The following MICU3 variants were observed in gnomAD, a reference collection of about 807,000 sequenced individuals.
The protein encoded by MICU3 is calcium uptake protein 3, mitochondrial.
MICU3 carries 62 observed loss-of-function variants against 66.5 expected under a neutral mutation model. The observed-to-expected ratio is 0.93, with a 90% CI of 0.76 to 1.15. The LOEUF (loss-of-function observed/expected upper bound fraction) is 1.15. Ranked by LOEUF, MICU3 falls within the 50% of genes most tolerant of loss-of-function variation. The pLI is 0.00. For synonymous variants in MICU3, 308 were observed against 240.7 expected (o/e 1.28, Z -2.59); for missense variants, 779 against 664.4 (o/e 1.17, Z -1.90).
intron 11 of MICU3, among the ~76,000 whole-genome samples, chr8:17,110,181 A>T (rs1178050636): frequency 2.0e-5 from 3 of 152,184 alleles, no homozygotes; most frequent in African/African-American, 7.2e-5. Context: ...TATTTAGTCA[A>T]TACTTTATTG....
chr8:17,076,960 T>A (rs1820475268), intron 3 of MICU3, among the ~76,000 whole-genome samples: 1 of 152,220 alleles, frequency 6.6e-6, no homozygotes, highest in African/African-American at 2.4e-5. Flanking sequence ...TCAAGTTATC[T>A]CACCGTCTTT....
intron 1 of MICU3, among the ~76,000 whole-genome samples, chr8:17,035,815 C>T (rs952235018): frequency 6.6e-6 from 1 of 152,148 alleles, no homozygotes; most frequent in Non-Finnish European, 1.5e-5. Flanking sequence ...CCCATTTTCT[C>T]AGGAGAAATT....
intron 3 of MICU3, among the ~76,000 whole-genome samples, chr8:17,071,924 A>T (rs1241107687): frequency 6.6e-6 from 1 of 152,200 alleles, no homozygotes; most frequent in African/African-American, 2.4e-5. Context: ...GAACTGTATC[A>T]TGTTCATACT....
At chr8:17,125,540 C>G (rs1803383574), downstream of MICU3, among the ~76,000 whole-genome samples, 1 of 152,104 alleles carries the variant, frequency 6.6e-6, no homozygotes, top group Non-Finnish European at 1.5e-5. Context: ...GCTGTTGTAG[C>G]TGGGGCATTT....
intron 8 of MICU3, among the ~76,000 whole-genome samples, chr8:17,095,293 C>A (rs1445318650): frequency 6.6e-6 from 1 of 151,864 alleles, no homozygotes; most frequent in East Asian, 1.9e-4. Flanking sequence ...TGTTCAGATT[C>A]TTTAAGGACT....
chr8:17,031,262 T>TTTTTTTTTATTATTA lies in MICU3; in HGVS notation c.381+3604_381+3605insTTTTTTATTATTATT, dbSNP rs111800861. Among the ~76,000 whole-genome samples, 194 of 139,182 alleles carry TTTTTTTTTATTATTA rather than the reference T, an allele frequency of 1.4e-3. 1 individual carries two copies. Among genetic ancestry groups the TTTTTTTTTATTATTA allele is most frequent in the African/African-American group, 4.8e-3 (177 of 37,066 alleles). The allele number at this position is 139,182 out of a possible 152,430, so 91.3% of individuals were successfully genotyped here. A position where few individuals can be genotyped will look rare whatever the true frequency, so the allele number is the denominator to read the frequency against. ...ATTTTAAACCTATGCTGCCACTTCATTTATTATTATTATTATTATTATTAT... is the reference window on the plus strand; with the variant it reads ...ATTTTAAACCTATGCTGCCACTTCATTTTTTTTTATTATTATTATTATTATTATTATTATTATTAT... On this transcript the variant is annotated intron_variant, in intron 1 of 14. Transcript: ENST00000318063.
At chr8:17,051,095 A>G (rs1816001793) in intron 1 of MICU3, among the ~76,000 whole-genome samples, 1 of 152,206 alleles carries the variant, frequency 6.6e-6, no homozygotes, top group Non-Finnish European at 1.5e-5. Context: ...AAAAATCAGT[A>G]TCAGAAAATT....
At chr8:17,061,234 A>C (rs950029255) in intron 1 of MICU3, among the ~76,000 whole-genome samples, 8 of 152,162 alleles carry the variant, frequency 5.3e-5, no homozygotes, top group African/African-American at 1.9e-4. Flanking sequence ...GAGGTAAAGG[A>C]GGAGGGATTG....
chr8:17,093,178 T>C (rs969314341), intron 8 of MICU3, among the ~76,000 whole-genome samples: 1 of 152,024 alleles, frequency 6.6e-6, no homozygotes, highest in Admixed American at 6.6e-5. Context: ...CTATTTCTCA[T>C]GTGGTCAACT....
At chr8:17,110,744 G>A (rs923807020) in intron 11 of MICU3, among the ~76,000 whole-genome samples, 6 of 150,336 alleles carry the variant, frequency 4.0e-5, no homozygotes, top group Non-Finnish European at 7.4e-5. Flanking sequence ...TTTGGGGAGG[G>A]GGGGGTAGAG....
At chr8:17,100,284 CT>C (rs1270845637) in intron 9 of MICU3, among the ~76,000 whole-genome samples, 1 of 151,350 alleles carries the variant, frequency 6.6e-6, no homozygotes, top group Non-Finnish European at 1.5e-5. Flanking sequence ...TGATCCAAAG[CT>C]GCTAAATTAA....
At chr8:17,078,845 G>A (rs951891849) in intron 4 of MICU3, among the ~76,000 whole-genome samples, 7 of 151,906 alleles carry the variant, frequency 4.6e-5, no homozygotes, top group African/African-American at 1.5e-4. Flanking sequence ...AGAAACCTAG[G>A]CCAAAGTGTC....
chr8:17,076,845 G>C (rs1247273269), intron 3 of MICU3, among the ~76,000 whole-genome samples: 1 of 152,196 alleles, frequency 6.6e-6, no homozygotes, highest in African/African-American at 2.4e-5. Flanking sequence ...AACTATTGGG[G>C]AGCCACATGC....
intron 2 of MICU3, among the ~76,000 whole-genome samples, chr8:17,066,544 T>TATATATAGA (rs1491234403): frequency 8.1e-5 from 5 of 61,512 alleles, no homozygotes; most frequent in East Asian, 3.9e-4. Context: ...TATATATAGA[T>TATATATAGA]TTTTTTTTTT....
chr8:17,124,131 G>C (rs1360225930), downstream of MICU3, among the ~76,000 whole-genome samples: 1 of 152,002 alleles, frequency 6.6e-6, no homozygotes, highest in Non-Finnish European at 1.5e-5. Flanking sequence ...CAATGGAAAA[G>C]AAGGATTTGT....
At chr8:17,057,956 T>C (rs1585266633) in intron 1 of MICU3, among the ~76,000 whole-genome samples, 2 of 152,208 alleles carry the variant, frequency 1.3e-5, no homozygotes, top group Middle Eastern at 3.4e-3. Flanking sequence ...CAAGTGATTC[T>C]CCTGCCTCAG....
At chr8:17,092,356 C>G (rs7839754) in intron 8 of MICU3, among the ~76,000 whole-genome samples, 38,799 of 151,628 alleles carry the variant, frequency 0.26, 5,313 homozygotes, top group South Asian at 0.35. Flanking sequence ...TAATATTGCT[C>G]TAGTTTAAAC....
intron 1 of MICU3, among the ~76,000 whole-genome samples, chr8:17,032,864 C>T (rs1812329162): frequency 6.6e-6 from 1 of 152,170 alleles, no homozygotes; most frequent in South Asian, 2.1e-4. Context: ...ATAATTCTTG[C>T]AGTATTTCAG....
chr8:17,120,239 T>G (rs1803099288), intron 14 of MICU3, 49 bp from the exon 15 acceptor site: 1 of 152,116 alleles, frequency 6.6e-6, no homozygotes, highest in Non-Finnish European at 1.5e-5. Flanking sequence ...CACCTCAGAA[T>G]TATATCCTAA....
Sources: allele counts gnomAD v4.1 joint callset (sites outside exome capture counted in the v4.1 genomes callset), GRCh38; gene constraint gnomAD v4.1.1; transcripts MANE v1.5; gene names NCBI Gene and HGNC (gene_info 2026-07-23, HGNC 2026-07-21).